PFKFB3: variants seen among roughly 807,000 people sequenced by gnomAD.
PFKFB3 encodes 6-phosphofructo-2-kinase/fructose-2,6-biphosphatase 3.
A neutral mutation model predicts 68.0 loss-of-function variants in PFKFB3; 33 were observed. That is an observed-to-expected ratio of 0.49 (90% CI 0.37 to 0.65). PFKFB3 has a LOEUF of 0.65. PFKFB3 is among the 30% of genes least tolerant of loss of function. The pLI is 0.00. For synonymous variants in PFKFB3, 315 were observed against 288.2 expected, an observed-to-expected ratio of 1.09 and a Z score of -0.94; for missense variants, 586 against 712.2, an observed-to-expected ratio of 0.82 and a Z score of 2.02.
rs561106531 is a variant in PFKFB3 at position 6,223,242 on chromosome 10, G to A, written c.1213+258G>A. Among the ~76,000 whole-genome samples, 200 of 152,280 alleles carry A rather than the reference G, an allele frequency of 1.3e-3. 1 individual carries two copies. The highest frequency in any genetic ancestry group is 7.2e-3 in the South Asian group (35 of 4,830). Reference sequence around the variant, plus strand: ...CTTCATAAACAGCTCCCTGAGACCCGCCCCTGGCTCCACACATCCCAGGGT... The same window carrying A: ...CTTCATAAACAGCTCCCTGAGACCCACCCCTGGCTCCACACATCCCAGGGT... On this transcript the variant is annotated intron_variant, in intron 11 of 14. Coordinates refer to ENST00000379775, the MANE Select transcript of PFKFB3 (RefSeq NM_004566.4).
intron 1 of PFKFB3, chr10:6,146,610 GC>G: frequency 9.1e-7 from 1 of 1,098,026 alleles, no homozygotes; most frequent in Non-Finnish European, 1.3e-6. Flanking sequence ...CATCGCTTCT[GC>G]CCACTTTTGT....
At position 6,221,341 on chromosome 10, in the gene PFKFB3, G is replaced by A. The variant is rs374133114; in HGVS notation, c.832-40G>A. ...CAGCCCTGGCTCTTGGAGGAGCTGC[G>A]GGCATCTGGAATCAGTGGTCCCCCT... is the stretch of plus-strand genomic sequence containing the variant. On this transcript the variant is annotated intron_variant, in intron 8 of 14. Transcript: ENST00000379775. 5 of 1,609,992 alleles carry A rather than the reference G, an allele frequency of 3.1e-6. No homozygotes were observed. The African/African-American group carries it at 4.0e-5, about 13-fold the overall frequency.
intron 1 of PFKFB3, among the ~76,000 whole-genome samples, chr10:6,165,574 C>T (rs555166627): frequency 6.6e-6 from 1 of 152,214 alleles, no homozygotes; most frequent in South Asian, 2.1e-4. Flanking sequence ...ACATGTCTGG[C>T]GTTCTTTGCA....
chr10:6,234,602 TTCTC>T lies in PFKFB3; in HGVS notation c.*1667_*1670del, dbSNP rs201934407. ...CGTGCAGCTCCAGGCTCGCGCAGTT[TTCTC>T]TCTCTCCCTGGATGTTGAGTCTCAT... is the stretch of plus-strand genomic sequence containing the variant. On this transcript the variant is annotated 3_prime_UTR_variant, in exon 15 of 15. Coordinates refer to ENST00000379775, the MANE Select transcript of PFKFB3 (RefSeq NM_004566.4). 2 of 152,316 alleles carry T rather than the reference TTCTC, an allele frequency of 1.3e-5. No homozygotes were observed. Among genetic ancestry groups the T allele is most frequent in the African/African-American group, 4.8e-5 (2 of 41,438 alleles). The allele number at this position is 152,316 out of a possible 1,614,324, so 9.4% of individuals were successfully genotyped here.
intron 8 of PFKFB3, 83 bp from the exon 9 acceptor site, chr10:6,221,298 T>G: frequency 6.5e-7 from 1 of 1,536,728 alleles, no homozygotes; most frequent in Non-Finnish European, 8.8e-7. Flanking sequence ...TGCACAGCCC[T>G]ACGTGGGCTG....
chr10:6,225,874 C>T (rs1845314006), intron 13 of PFKFB3, among the ~76,000 whole-genome samples: 1 of 152,206 alleles, frequency 6.6e-6, no homozygotes, highest in Non-Finnish European at 1.5e-5. Context: ...AAGCAAAGCT[C>T]TTTTCTCCGA....
At chr10:6,244,345 C>T (rs1188546514) in intron 14 of PFKFB3, among the ~76,000 whole-genome samples, 1 of 152,162 alleles carries the variant, frequency 6.6e-6, no homozygotes, top group African/African-American at 2.4e-5. Context: ...GCAGCTTAAC[C>T]ACCACAGGCT....
the PFKFB3 span, among the ~76,000 whole-genome samples, chr10:6,313,173 C>A: frequency 1.3e-5 from 2 of 152,100 alleles, no homozygotes; most frequent in South Asian, 4.1e-4. This position sits in a 1 kb window ranked among gnomAD's most constrained non-coding sequence, Gnocchi z 4.2. Flanking sequence ...ATTAAATGTC[C>A]GTGACATGAT....
intron 1 of PFKFB3, among the ~76,000 whole-genome samples, chr10:6,165,907 C>A (rs1238724648): frequency 1.3e-5 from 2 of 151,326 alleles, no homozygotes; most frequent in Non-Finnish European, 2.9e-5. Context: ...CTCTGCCTCC[C>A]GGGTTCAAGC....
At chr10:6,165,760 A>G (rs967350312) in intron 1 of PFKFB3, among the ~76,000 whole-genome samples, 13 of 151,666 alleles carry the variant, frequency 8.6e-5, no homozygotes, top group African/African-American at 3.1e-4. Context: ...GTTGTAGATT[A>G]TTTCATCACC....
chr10:6,282,741 C>T, the PFKFB3 span, among the ~76,000 whole-genome samples: 1 of 152,110 alleles, frequency 6.6e-6, no homozygotes, highest in Non-Finnish European at 1.5e-5. Context: ...GAAGACGATT[C>T]AGAGGTTAGT....
At chr10:6,321,346 A>G in the PFKFB3 span, among the ~76,000 whole-genome samples, 23 of 150,742 alleles carry the variant, frequency 1.5e-4, no homozygotes, top group Non-Finnish European at 3.2e-4. Flanking sequence ...TGTTTTTTTA[A>G]GTTCTCAGTT....
At chr10:6,325,049 C>T in the PFKFB3 span, among the ~76,000 whole-genome samples, 2 of 152,058 alleles carry the variant, frequency 1.3e-5, no homozygotes, top group African/African-American at 2.4e-5. Flanking sequence ...CTATAGCCTT[C>T]GCCTCCCAGG....
At chr10:6,274,636 C>G in the PFKFB3 span, among the ~76,000 whole-genome samples, 1 of 151,946 alleles carries the variant, frequency 6.6e-6, no homozygotes, top group African/African-American at 2.4e-5. Flanking sequence ...TGCTTAAGCC[C>G]GGAAGTTTGA....
Position 6,151,739 on chromosome 10 carries a change from G to A in PFKFB3, c.16+6726G>A, listed in dbSNP as rs145998994. Reference sequence around the variant, plus strand: ...GGGTACCCTCCCCGCTCCCTGAGAAGTGTGGACTTTCAAAAGGAAGTGAGA... The same window carrying A: ...GGGTACCCTCCCCGCTCCCTGAGAAATGTGGACTTTCAAAAGGAAGTGAGA... On this transcript the variant is annotated intron_variant, in intron 1 of 14. Transcript: ENST00000379789. Among the ~76,000 whole-genome samples the A allele has an allele frequency of 9.9e-4, 151 of 152,314 alleles. 2 individuals are homozygous for A. Among genetic ancestry groups the A allele is most frequent in the African/African-American group, 3.1e-3 (130 of 41,572 alleles).
At chr10:6,275,179 G>A in the PFKFB3 span, among the ~76,000 whole-genome samples, 1 of 152,196 alleles carries the variant, frequency 6.6e-6, no homozygotes, top group Non-Finnish European at 1.5e-5. The surrounding 1 kb of genome is among the most constrained non-coding windows in gnomAD (Gnocchi z 4.9). Flanking sequence ...TTGTGCCAGG[G>A]GCAGGTGGTC....
the PFKFB3 span, among the ~76,000 whole-genome samples, chr10:6,263,817 C>G: frequency 6.6e-6 from 1 of 152,212 alleles, no homozygotes; most frequent in South Asian, 2.1e-4. Context: ...TCCCAAGTAG[C>G]TAGTATTAAA....
At chr10:6,194,882 T>C (rs955881083) in intron 1 of PFKFB3, among the ~76,000 whole-genome samples, 10 of 151,874 alleles carry the variant, frequency 6.6e-5, no homozygotes, top group African/African-American at 2.2e-4. Context: ...TTTTTCTTTT[T>C]TTTTTTTTGA....
rs188624660 is a variant in PFKFB3, at chr10:6,232,950, G to T, written c.*8G>T. The T allele has an allele frequency of 5.6e-6, 9 of 1,608,646 alleles. No homozygotes were observed. In the East Asian group the frequency reaches 8.9e-5, roughly 16 times the overall value. On this transcript the variant is annotated 3_prime_UTR_variant, in exon 15 of 15. Coordinates refer to ENST00000379775, the MANE Select transcript of PFKFB3 (RefSeq NM_004566.4). ...TCCTCCAGGAAACACTGAGGCAGAC[G>T]TGTCGGTTCCATTCCATTTCCATTT...
Sources: gnomAD v4.1 joint callset for allele counts (sites outside exome capture counted in the v4.1 genomes callset) on GRCh38, gnomAD v4.1.1 for gene constraint, Gnocchi (gnomAD v3.1) non-coding constraint, MANE v1.5 for transcripts, NCBI Gene and HGNC (gene_info 2026-07-23, HGNC 2026-07-21) for gene names.